Variants in FHIP1A observed in about 807,000 individuals in gnomAD.
FHIP1A encodes the protein FHF complex subunit HOOK interacting protein 1A, also known as FHF complex subunit HOOK-interacting protein 1A.
In FHIP1A, 61 loss-of-function variants were observed where a neutral mutation model predicts 88.6. The ratio of observed to expected loss-of-function variants is 0.69; its 90% CI spans 0.56 to 0.85. FHIP1A has a LOEUF of 0.85. Ranked by LOEUF, FHIP1A falls within the 40% of genes least tolerant of loss-of-function variation. FHIP1A has a pLI of 0.00. For synonymous variants in FHIP1A, 478 were observed against 496.0 expected, an observed-to-expected ratio of 0.96 and a Z score of 0.48; for missense variants, 1,154 against 1,273.5, an observed-to-expected ratio of 0.91 and a Z score of 1.43.
At chr4:151,428,775 T>A (rs1373353390) in intron 1 of FHIP1A, among the ~76,000 whole-genome samples, 1 of 152,192 alleles carries the variant, frequency 6.6e-6, no homozygotes, top group Non-Finnish European at 1.5e-5. Context: ...TGTTTTTCTC[T>A]TTTAAAAAGT....
chr4:151,543,086 A>G (rs1037876828), intron 3 of FHIP1A, among the ~76,000 whole-genome samples: 11 of 152,160 alleles, frequency 7.2e-5, no homozygotes, highest in African/African-American at 2.4e-4. Flanking sequence ...ACTCTTTCCT[A>G]TGTGAATTTG....
chr4:151,613,775 G>C (rs1266033313), intron 7 of FHIP1A, among the ~76,000 whole-genome samples: 1 of 152,154 alleles, frequency 6.6e-6, no homozygotes, highest in South Asian at 2.1e-4. Context: ...AACTGGATCA[G>C]GATAGGGCAT....
intron 11 of FHIP1A, among the ~76,000 whole-genome samples, chr4:151,654,328 C>G (rs563200804): frequency 2.0e-5 from 3 of 152,018 alleles, no homozygotes; most frequent in African/African-American, 7.2e-5. Context: ...TGTGCCCCCC[C>G]ACCTCACCCC....
Position 151,586,768 on chromosome 4 carries a change from A to G in FHIP1A, c.860A>G (p.Asn287Ser), listed in dbSNP as rs1263211992. Residue 287 changes from asparagine to serine, a missense_variant, in exon 6 of 14, where the codon AAC (asparagine) becomes AGC (serine). Physicochemically the swap from Asn to Ser is conservative, Grantham distance 46. Transcript: ENST00000435205. Reference sequence around the variant, plus strand: ...CTTCCTTCTCTTGTCCAGTTCATGAACTCCCTGGAGTTTTGCAATGCAGTC... The same window carrying G: ...CTTCCTTCTCTTGTCCAGTTCATGAGCTCCCTGGAGTTTTGCAATGCAGTC... ...LLLPSLVQFMNSLEFCNAVIQ... is the reference protein window; with the variant it reads ...LLLPSLVQFMSSLEFCNAVIQ... 2 of 1,550,622 alleles carry G rather than the reference A, an allele frequency of 1.3e-6. No individual in the cohort carries two copies. Among genetic ancestry groups the G allele is most frequent in the African/African-American group, 1.4e-5 (1 of 73,092 alleles).
rs556483824 is a variant in FHIP1A, at chr4:151,424,610, T to C, written c.-356+15145T>C. The stretch of plus-strand genomic sequence containing the variant: ...GGACTACATCAGATTGACATAGTCA[T>C]ATTGGATCTTTTAAAAATAGGTTTC... On this transcript the variant is annotated intron_variant, in intron 1 of 13. Transcript: ENST00000435205. Among the ~76,000 whole-genome samples the C allele has an allele frequency of 1.2e-4, 18 of 152,308 alleles. No individual in the cohort carries two copies. The South Asian group carries it at 3.5e-3, about 30-fold the overall frequency.
At chr4:151,597,103 G>A (rs892763029) in intron 7 of FHIP1A, among the ~76,000 whole-genome samples, 1 of 152,096 alleles carries the variant, frequency 6.6e-6, no homozygotes, top group African/African-American at 2.4e-5. Context: ...AGGAGAAGAG[G>A]CATTCTGGTT....
intron 1 of FHIP1A, among the ~76,000 whole-genome samples, chr4:151,414,991 T>C (rs1221967886): frequency 6.6e-6 from 1 of 152,146 alleles, no homozygotes; most frequent in African/African-American, 2.4e-5. Context: ...TTTCCCTCTA[T>C]TTAAAAATGT....
At chr4:151,555,465 CTTATT>C (rs1732913113) in intron 3 of FHIP1A, among the ~76,000 whole-genome samples, 1 of 151,456 alleles carries the variant, frequency 6.6e-6, no homozygotes, top group African/African-American at 2.4e-5. Flanking sequence ...TCCTCCTCCT[CTTATT>C]TTTTGAAACA....
intron 2 of FHIP1A, among the ~76,000 whole-genome samples, chr4:151,473,806 C>T (rs1729608452): frequency 6.6e-6 from 1 of 152,074 alleles, no homozygotes; most frequent in Non-Finnish European, 1.5e-5. Flanking sequence ...TTGTAGCATA[C>T]AAAGTGATGT....
chr4:151,437,375 A>C (rs1269177336), intron 1 of FHIP1A, among the ~76,000 whole-genome samples: 1 of 152,266 alleles, frequency 6.6e-6, no homozygotes, highest in African/African-American at 2.4e-5. Flanking sequence ...TATAAGAGCC[A>C]ACATAGGCTA....
intron 3 of FHIP1A, among the ~76,000 whole-genome samples, chr4:151,552,602 A>G (rs62329092): frequency 0.29 from 44,041 of 151,760 alleles, 6,646 homozygotes; most frequent in Non-Finnish European, 0.34. Context: ...CGCATTTCTC[A>G]CTCATAGGTG....
intron 3 of FHIP1A, among the ~76,000 whole-genome samples, chr4:151,541,148 C>A (rs567443635): frequency 5.3e-5 from 8 of 152,258 alleles, no homozygotes; most frequent in African/African-American, 1.9e-4. Context: ...CCCTCTCTTG[C>A]ATTAGTAACA....
intron 5 of FHIP1A, among the ~76,000 whole-genome samples, chr4:151,581,744 C>T (rs1297192997): frequency 6.6e-6 from 1 of 152,112 alleles, no homozygotes; most frequent in Non-Finnish European, 1.5e-5. Context: ...ATTAACCATC[C>T]AGCTAAGGAC....
intron 4 of FHIP1A, among the ~76,000 whole-genome samples, chr4:151,575,673 A>C (rs535585217): frequency 3.3e-5 from 5 of 152,210 alleles, no homozygotes; most frequent in Non-Finnish European, 7.3e-5. Flanking sequence ...TATCAACTTT[A>C]TAATGGAAGT....
At chr4:151,411,343 A>ATTCTTTTTTTTTTTTTTTTTTT (rs370374898) in intron 1 of FHIP1A, among the ~76,000 whole-genome samples, 5 of 112,178 alleles carry the variant, frequency 4.5e-5, no homozygotes, top group Admixed American at 9.5e-5. Flanking sequence ...GTGAAATTAT[A>ATTCTTTTTTTTTTTTTTTTTTT]TATATATTTT....
intron 1 of FHIP1A, among the ~76,000 whole-genome samples, chr4:151,431,879 C>T (rs186960001): frequency 1.2e-3 from 186 of 152,212 alleles, no homozygotes; most frequent in African/African-American, 4.3e-3. Context: ...GTTTACTAAT[C>T]TTTTAAGGAG....
rs184993926 is a variant in FHIP1A, at chr4:151,496,401, A to T, written c.-123+13753A>T. 1.4e-3 allele frequency among the ~76,000 whole-genome samples: 217 copies of T among 152,216 alleles called. 1 individual carries two copies. The highest frequency in any genetic ancestry group is 4.7e-3 in the African/African-American group (194 of 41,542). On this transcript the variant is annotated intron_variant, in intron 3 of 13. Transcript: ENST00000435205. ...CATCACCATTTCCAGGGCAATCCTG[A>T]TATGAATATATATTTGTTTTTGGAG...
chr4:151,661,265 G>A (rs879811297), intron 13 of FHIP1A, among the ~76,000 whole-genome samples: 7 of 152,102 alleles, frequency 4.6e-5, no homozygotes, highest in Non-Finnish European at 8.8e-5. Flanking sequence ...CAACACTTTT[G>A]TGCTCACTCT....
chr4:151,623,658 A>G (rs1368033523), intron 7 of FHIP1A, among the ~76,000 whole-genome samples: 2 of 150,952 alleles, frequency 1.3e-5, no homozygotes, highest in Non-Finnish European at 2.9e-5. Flanking sequence ...TCCTCTTAAT[A>G]CTTTCAAAGA....
Sources: allele counts gnomAD v4.1 joint callset (sites outside exome capture counted in the v4.1 genomes callset), GRCh38; gene constraint gnomAD v4.1.1; transcripts MANE v1.5; gene names NCBI Gene and HGNC (gene_info 2026-07-23, HGNC 2026-07-21).